The following ABCC11 variants were observed in gnomAD, a reference collection of about 807,000 sequenced individuals.
ABCC11 encodes ATP binding cassette subfamily C member 11, also known as ATP-binding cassette sub-family C member 11.
ABCC11 carries 135 observed loss-of-function variants against 149.3 expected under a neutral mutation model. The observed-to-expected ratio is 0.90, with a 90% CI of 0.79 to 1.04. The LOEUF is 1.04. Among genes scored for constraint, ABCC11 ranks in the 50% least tolerant of loss-of-function variants. The pLI is 0.00. For synonymous variants in ABCC11, 665 were observed against 671.4 expected, an observed-to-expected ratio of 0.99 and a Z score of 0.15; for missense variants, 1,680 against 1,722.1, an observed-to-expected ratio of 0.98 and a Z score of 0.43.
chr16:48,191,002 G>A (rs1352580193), intron 20 of ABCC11, among the ~76,000 whole-genome samples: 1 of 151,382 alleles, frequency 6.6e-6, no homozygotes, highest in Non-Finnish European at 1.5e-5. Context: ...GTTGCTGGGA[G>A]TTTGAGGGTA....
chr16:48,175,520 C>A (rs1966003203), intron 25 of ABCC11, 103 bp from the exon 26 acceptor site: 2 of 1,350,312 alleles, frequency 1.5e-6, no homozygotes, highest in South Asian at 2.9e-5. Flanking sequence ...CCTCCGTGGC[C>A]CATTCTTCAT....
chr16:48,180,632 G>A (rs145600697), intron 23 of ABCC11, among the ~76,000 whole-genome samples: 7 of 152,286 alleles, frequency 4.6e-5, no homozygotes, highest in African/African-American at 1.7e-4. Flanking sequence ...CCCAATGCTC[G>A]AATGTAATTT....
rs150712799 is a variant in ABCC11, at chr16:48,207,116, G to A, written c.1680+1309C>T. Reference sequence around the variant, plus strand: ...TGTTCATTTGGGAGAAGGAGCTGAGGGAAAAGCCGAAGAAAGGAAGGAAAA... The same window carrying A: ...TGTTCATTTGGGAGAAGGAGCTGAGAGAAAAGCCGAAGAAAGGAAGGAAAA... On this transcript the variant is annotated intron_variant, in intron 12 of 29. Transcript: ENST00000356608. 3.4e-3 allele frequency among the ~76,000 whole-genome samples: 520 copies of A among 152,214 alleles called. 2 individuals carry two copies. Among genetic ancestry groups the A allele is most frequent in the African/African-American group, 0.012 (497 of 41,522 alleles).
chr16:48,188,609 T>C (rs1966844853), intron 20 of ABCC11, among the ~76,000 whole-genome samples: 1 of 152,178 alleles, frequency 6.6e-6, no homozygotes, highest in African/African-American at 2.4e-5. Flanking sequence ...AACAAAAGCA[T>C]TTAGTTTGGT....
chr16:48,216,250 A>C lies in ABCC11; in HGVS notation c.815T>G (p.Phe272Cys), dbSNP rs748399124. 7.3e-5 allele frequency: 118 copies of C among 1,613,774 alleles called. No homozygotes were observed. Among genetic ancestry groups the C allele is most frequent in the Non-Finnish European group, 9.3e-5 (110 of 1,179,984 alleles). The change falls in exon 7 of 30, where the codon TTT becomes TGT. Residue 272 changes from phenylalanine to cysteine, a missense_variant. Transcript: ENST00000356608. The stretch of plus-strand genomic sequence containing the variant: ...TAGGGGTCCATAGCACACCCCTTCA[A>C]ACAGGTAGTTTACATCACCGGTGAA... Reference protein sequence around the residue: ...SFFTGDVNYLFEGVCYGPLVL... With the variant: ...SFFTGDVNYLCEGVCYGPLVL...
intron 6 of ABCC11, among the ~76,000 whole-genome samples, chr16:48,220,063 T>C (rs1432140159): frequency 6.6e-6 from 1 of 152,222 alleles, no homozygotes; most frequent in African/African-American, 2.4e-5. Context: ...ATTACTTCCA[T>C]CTCCACTCTC....
intron 24 of ABCC11, 77 bp downstream of exon 24, chr16:48,178,520 G>T: frequency 1.4e-6 from 2 of 1,398,688 alleles, no homozygotes; most frequent in Non-Finnish European, 2.0e-6. Flanking sequence ...TCTGAGGCCA[G>T]TGGGGCTTGT....
At chr16:48,246,607 G>A (rs1197488339) in intron 1 of ABCC11, among the ~76,000 whole-genome samples, 1 of 152,108 alleles carries the variant, frequency 6.6e-6, no homozygotes, top group Non-Finnish European at 1.5e-5. Flanking sequence ...GTCTCATTCT[G>A]TCTCCTCCGC....
At chr16:48,180,717 C>A (rs1304461591) in intron 23 of ABCC11, among the ~76,000 whole-genome samples, 2 of 152,120 alleles carry the variant, frequency 1.3e-5, no homozygotes, top group Non-Finnish European at 2.9e-5. Flanking sequence ...GGTCAGGACC[C>A]CATAGCTGAG....
intron 14 of ABCC11, among the ~76,000 whole-genome samples, chr16:48,201,294 T>C (rs1967948071): frequency 6.6e-6 from 1 of 152,186 alleles, no homozygotes; most frequent in African/African-American, 2.4e-5. Context: ...ATTTGGTTTT[T>C]TGAGACAGGG....
chr16:48,182,546 A>G (rs1481892274), intron 23 of ABCC11, among the ~76,000 whole-genome samples: 1 of 152,160 alleles, frequency 6.6e-6, no homozygotes, highest in Non-Finnish European at 1.5e-5. Flanking sequence ...TTGAGAGGCC[A>G]AAGTGGGTGG....
chr16:48,218,302 C>T (rs766615979), intron 6 of ABCC11, among the ~76,000 whole-genome samples: 5 of 152,070 alleles, frequency 3.3e-5, no homozygotes, highest in Non-Finnish European at 5.9e-5. Context: ...TCTCAGACAA[C>T]AACAAAGTCA....
chr16:48,179,858 C>T (rs1402517153), intron 23 of ABCC11, among the ~76,000 whole-genome samples: 1 of 152,174 alleles, frequency 6.6e-6, no homozygotes, highest in African/African-American at 2.4e-5. Context: ...TATGTAAGCC[C>T]TGAAAGCAGC....
At chr16:48,176,861 T>G (rs1206465951) in intron 25 of ABCC11, 63 bp downstream of exon 25, 1 of 1,540,964 alleles carries the variant, frequency 6.5e-7, no homozygotes, top group Non-Finnish European at 8.8e-7. Flanking sequence ...TGCCCCTAAA[T>G]AGGTCTAGTG....
At position 48,205,541 on chromosome 16, in the gene ABCC11, C is replaced by T. The variant is rs200082871; in HGVS notation, c.1681-4G>A. On this transcript the variant is annotated splice_polypyrimidine_tract_variant and splice_region_variant and intron_variant, in intron 12 of 29. Transcript: ENST00000356608. ...CCGAGCCCTCGAGCAAGTGCATCTGCGGCAGAATGAGTCCAGCCTCAGGAC... is the reference window on the plus strand; with the variant it reads ...CCGAGCCCTCGAGCAAGTGCATCTGTGGCAGAATGAGTCCAGCCTCAGGAC... 1.4e-4 allele frequency: 229 copies of T among 1,613,418 alleles called. 1 individual carries two copies. The African/African-American group carries it at 2.6e-3, about 18-fold the overall frequency.
intron 4 of ABCC11, among the ~76,000 whole-genome samples, chr16:48,227,362 T>A (rs530112357): frequency 1.7e-4 from 26 of 151,272 alleles, no homozygotes; most frequent in African/African-American, 6.3e-4. Flanking sequence ...TAATTCCAGC[T>A]ACTTGGGAGG....
Position 48,210,835 on chromosome 16 carries a change from C to A in ABCC11, c.1608+113G>T, listed in dbSNP as rs904651972. On this transcript the variant is annotated intron_variant, in intron 11 of 29. Transcript: ENST00000356608. ...AAATTTGAATTTTAAGGGGAGAGAT[C>A]TTGGAGAGGGCAGTTTTTAACCAAG... 15 of 1,414,738 alleles carry A rather than the reference C, an allele frequency of 1.1e-5. No individual in the cohort carries two copies. In the African/African-American group the frequency reaches 2.0e-4, roughly 19 times the overall value. 87.6% of individuals were successfully genotyped at this position (1,414,738 alleles called of 1,614,324 possible). A position where few individuals can be genotyped will look rare whatever the true frequency, so the allele number is the denominator to read the frequency against.
intron 1 of ABCC11, chr16:48,244,605 C>G (rs1971238192): frequency 1.4e-5 from 21 of 1,478,302 alleles, no homozygotes; most frequent in Non-Finnish European, 1.8e-5. Context: ...CGCGCAGGAC[C>G]TGCCGCCGCT....
intron 23 of ABCC11, among the ~76,000 whole-genome samples, chr16:48,182,314 A>G (rs1023077321): frequency 3.9e-5 from 6 of 152,140 alleles, no homozygotes; most frequent in African/African-American, 1.4e-4. Flanking sequence ...CTGCAGACAC[A>G]TGGACATTCA....
Sources: gnomAD v4.1 joint callset for allele counts (sites outside exome capture counted in the v4.1 genomes callset) on GRCh38, gnomAD v4.1.1 for gene constraint, MANE v1.5 for transcripts, NCBI Gene and HGNC (gene_info 2026-07-23, HGNC 2026-07-21) for gene names.